The following TUBGCP3 variants were observed in gnomAD, a reference collection of about 807,000 sequenced individuals.
TUBGCP3 encodes gamma-tubulin complex component 3.
TUBGCP3 carries 50 observed loss-of-function variants against 123.1 expected under a neutral mutation model. The ratio of observed to expected loss-of-function variants is 0.41; its 90% CI spans 0.32 to 0.51. The LOEUF (loss-of-function observed/expected upper bound fraction) is 0.51. Among genes scored for constraint, TUBGCP3 ranks in the 20% least tolerant of loss-of-function variants. The pLI is 0.36. For missense variants in TUBGCP3, 882 were observed against 1,127.0 expected, an observed-to-expected ratio of 0.78 and a Z score of 3.11; for synonymous variants, 405 against 413.9, an observed-to-expected ratio of 0.98 and a Z score of 0.26.
intron 8 of TUBGCP3, among the ~76,000 whole-genome samples, chr13:112,549,218 A>G (rs1879335727): frequency 6.6e-6 from 1 of 152,146 alleles, no homozygotes; most frequent in African/African-American, 2.4e-5. Context: ...CATCATTCTG[A>G]GCAAACTATC....
chr13:112,530,080 GT>G (rs1242600289), intron 11 of TUBGCP3, among the ~76,000 whole-genome samples: 1 of 152,112 alleles, frequency 6.6e-6, no homozygotes, highest in Non-Finnish European at 1.5e-5. Context: ...GTTGCTTAAC[GT>G]ATTCTAGGCC....
upstream of TUBGCP3, among the ~76,000 whole-genome samples, chr13:112,588,555 T>G (rs949953231): frequency 6.6e-6 from 1 of 152,132 alleles, no homozygotes; most frequent in Non-Finnish European, 1.5e-5. Flanking sequence ...TGCTACGCTA[T>G]CCAACAGGCG....
At chr13:112,575,175 G>C (rs79344606) in intron 1 of TUBGCP3, among the ~76,000 whole-genome samples, 8,400 of 152,258 alleles carry the variant, frequency 0.055, 310 homozygotes, top group Non-Finnish European at 0.083. Flanking sequence ...GAGGAAGCTG[G>C]AAAAAGTCAC....
At chr13:112,553,403 GTAA>G (rs1156888423) in intron 8 of TUBGCP3, among the ~76,000 whole-genome samples, 4 of 152,266 alleles carry the variant, frequency 2.6e-5, no homozygotes, top group African/African-American at 9.6e-5. Flanking sequence ...TTCATTGGCA[GTAA>G]TTACTGCCCA....
chr13:112,541,455 T>C (rs1385342290), intron 11 of TUBGCP3, among the ~76,000 whole-genome samples: 3 of 151,290 alleles, frequency 2.0e-5, no homozygotes, highest in Admixed American at 1.3e-4. Flanking sequence ...GGAAGGAGAA[T>C]TGCTTGAACC....
chr13:112,603,193 C>T, the TUBGCP3 span: 1 of 152,192 alleles, frequency 6.6e-6, no homozygotes, highest in South Asian at 2.1e-4. Flanking sequence ...TTGACCTTGC[C>T]TTCCGATTCT....
At chr13:112,540,567 G>A (rs967236041) in intron 11 of TUBGCP3, among the ~76,000 whole-genome samples, 1 of 149,124 alleles carries the variant, frequency 6.7e-6, no homozygotes, top group Non-Finnish European at 1.5e-5. Flanking sequence ...AAGGACACCT[G>A]GGAATGAGGA....
chr13:112,502,438 G>A (rs969351767), intron 19 of TUBGCP3, among the ~76,000 whole-genome samples: 6 of 152,138 alleles, frequency 3.9e-5, no homozygotes, highest in African/African-American at 1.2e-4. Flanking sequence ...GAGAGGCAAC[G>A]GCTGGCAGGC....
intron 3 of TUBGCP3, among the ~76,000 whole-genome samples, chr13:112,563,051 A>G (rs180929217): frequency 6.6e-6 from 1 of 152,170 alleles, no homozygotes; most frequent in Admixed American, 6.5e-5. Flanking sequence ...TACTCCCCTC[A>G]TAAGCCACCC....
chr13:112,552,998 A>T (rs1879715043), intron 8 of TUBGCP3, among the ~76,000 whole-genome samples: 1 of 141,074 alleles, frequency 7.1e-6, no homozygotes, highest in African/African-American at 2.7e-5. Context: ...CCAGCCACAC[A>T]TTCTTACCCA....
intron 11 of TUBGCP3, among the ~76,000 whole-genome samples, chr13:112,532,562 T>G (rs1282332673): frequency 1.3e-5 from 2 of 152,182 alleles, no homozygotes; most frequent in African/African-American, 4.8e-5. Context: ...GCCTCTAACT[T>G]GAATATATTG....
chr13:112,503,881 T>TAGAGTTTCCAAGTCTCTTCAGAA, intron 19 of TUBGCP3, 151 bp downstream of exon 19: 1 of 990,882 alleles, frequency 1.0e-6, no homozygotes, highest in South Asian at 2.0e-5. Context: ...TCAGAAACTG[T>TAGAGTTTCCAAGTCTCTTCAGAA]ACCTTCAACA....
chr13:112,543,385 A>G (rs1467150756), intron 11 of TUBGCP3, among the ~76,000 whole-genome samples: 1 of 152,264 alleles, frequency 6.6e-6, no homozygotes, highest in Non-Finnish European at 1.5e-5. Context: ...CAAAAGGAAC[A>G]TAAGAAGCCT....
intron 19 of TUBGCP3, among the ~76,000 whole-genome samples, chr13:112,503,403 T>G (rs1220349130): frequency 1.3e-5 from 2 of 152,186 alleles, no homozygotes; most frequent in Non-Finnish European, 2.9e-5. Flanking sequence ...AGTGTCTCGA[T>G]CTGTTGCCCA....
At chr13:112,556,506 T>A (rs946313008) in intron 5 of TUBGCP3, among the ~76,000 whole-genome samples, 18 of 152,148 alleles carry the variant, frequency 1.2e-4, no homozygotes, top group Non-Finnish European at 2.5e-4. Flanking sequence ...TTTCTTACCA[T>A]TAATATCAAA....
chr13:112,524,819 C>T lies in TUBGCP3; in HGVS notation c.1555+2123G>A, dbSNP rs538353888. On this transcript the variant is annotated intron_variant, in intron 13 of 21. Coordinates refer to ENST00000261965, the MANE Select transcript of TUBGCP3 (RefSeq NM_006322.6). This position sits in a 1 kb window ranked among gnomAD's most constrained non-coding sequence, Gnocchi z 4.4. The stretch of plus-strand genomic sequence containing the variant: ...TCTATATTCGGCCCTGACTTTTAAC[C>T]AGAGTTTCAGTATAGCATTTCCAAT... Among the ~76,000 whole-genome samples, 7 of 152,282 alleles carry T rather than the reference C, an allele frequency of 4.6e-5. No individual in the cohort carries two copies. The South Asian group carries it at 6.2e-4, about 14-fold the overall frequency.
At chr13:112,562,199 C>T (rs1269723911) in intron 3 of TUBGCP3, among the ~76,000 whole-genome samples, 2 of 151,842 alleles carry the variant, frequency 1.3e-5, no homozygotes, top group Admixed American at 6.6e-5. Flanking sequence ...GGGAACACCA[C>T]CAGCCAGGAC....
rs531338370 is a variant in TUBGCP3 at position 112,517,006 on chromosome 13, TTTG to T, written c.1951-434_1951-432del. On this transcript the variant is annotated intron_variant, in intron 16 of 21. Transcript: ENST00000261965. ...GTTATTTTCACCCATTTACTTTTAT[TTTG>T]TTTTTTTGTTTGTTTGTTTGTTTTG... Among the ~76,000 whole-genome samples, 5 of 152,212 alleles carry T rather than the reference TTTG, an allele frequency of 3.3e-5. No homozygotes were observed. In the East Asian group the frequency reaches 9.7e-4, roughly 29 times the overall value.
rs188668016 is a variant in TUBGCP3, at chr13:112,498,908, C to T, written c.2448+137G>A. ...TACAACTGTCAGTGATTTCTCGGGACTTCAAACGCAGTATAGGCACATCTC... is the reference window on the plus strand; with the variant it reads ...TACAACTGTCAGTGATTTCTCGGGATTTCAAACGCAGTATAGGCACATCTC... On this transcript the variant is annotated intron_variant, in intron 20 of 21. Coordinates refer to ENST00000261965, the MANE Select transcript of TUBGCP3 (RefSeq NM_006322.6). 1,186 of 1,613,776 alleles carry T rather than the reference C, an allele frequency of 7.3e-4. 12 individuals are homozygous for T. The highest frequency in any genetic ancestry group is 3.2e-5 in the Non-Finnish European group (38 of 1,179,806).
Sources: allele counts gnomAD v4.1 joint callset (sites outside exome capture counted in the v4.1 genomes callset), GRCh38; gene constraint gnomAD v4.1.1; non-coding constraint Gnocchi (gnomAD v3.1); transcripts MANE v1.5; gene names NCBI Gene and HGNC (gene_info 2026-07-23, HGNC 2026-07-21).